The following TOB2 variants were observed in gnomAD, a reference collection of about 807,000 sequenced individuals.
TOB2 encodes the protein transducer of ERBB2, 2.
TOB2 carries 3 observed loss-of-function variants against 17.3 expected under a neutral mutation model. The ratio of observed to expected loss-of-function variants is 0.17; its 90% confidence interval spans 0.08 to 0.45. TOB2 has a LOEUF of 0.45. Ranked by LOEUF, TOB2 falls within the 20% of genes least tolerant of loss-of-function variation. The pLI, the probability that TOB2 is intolerant of heterozygous loss-of-function variation, is 0.99. For synonymous variants in TOB2, 163 were observed against 185.6 expected (o/e 0.88, Z 0.99); for missense variants, 407 against 445.7 (o/e 0.91, Z 0.78).
intron 1 of TOB2, among the ~76,000 whole-genome samples, chr22:41,442,863 C>A (rs919950759): frequency 6.6e-6 from 1 of 152,018 alleles, no homozygotes; most frequent in Non-Finnish European, 1.5e-5. Context: ...AACTACCTGT[C>A]AATAAAGGGA....
Position 41,437,380 on chromosome 22 carries a change from C to T in TOB2, c.-35G>A, listed in dbSNP as rs1349424037. ...CTAGGCAGAGAATCAGCACAGGGCA[C>T]GTGTACAGCCTTGGGCTCCAGGCGG... is the stretch of plus-strand genomic sequence containing the variant. On this transcript the variant is annotated 5_prime_UTR_variant, in exon 2 of 2. The change creates a new upstream start codon in the 5' untranslated region. Transcript: ENST00000327492. 9 of 1,582,140 alleles carry T rather than the reference C, an allele frequency of 5.7e-6. No individual in the cohort carries two copies. Among genetic ancestry groups the T allele is most frequent in the East Asian group, 2.2e-5 (1 of 44,624 alleles).
intron 1 of TOB2, among the ~76,000 whole-genome samples, chr22:41,441,883 C>G (rs775135480): frequency 8.8e-4 from 133 of 150,996 alleles, no homozygotes; most frequent in Non-Finnish European, 1.6e-3. Context: ...TGCACTCCAG[C>G]CTGGGCAAGA....
Position 41,436,151 on chromosome 22 carries a change from G to A in TOB2, c.*160C>T, listed in dbSNP as rs1222910512. On this transcript the variant is annotated 3_prime_UTR_variant, in exon 2 of 2. Coordinates refer to ENST00000327492, the MANE Select transcript of TOB2 (RefSeq NM_016272.4). This position sits in a 1 kb window ranked among gnomAD's most constrained non-coding sequence, Gnocchi z 4.8. The stretch of plus-strand genomic sequence containing the variant: ...GTGAAACACACTTGGGTGCTTTGCA[G>A]GGCCCTCCCATTCCGTGCCTGGGCT... 3.2e-6 allele frequency: 3 copies of A among 933,112 alleles called. No homozygotes were observed. In the East Asian group the frequency reaches 8.1e-5, roughly 25 times the overall value. 57.8% of individuals were successfully genotyped at this position (933,112 alleles called of 1,614,324 possible).
chr22:41,441,714 C>T (rs899030112), intron 1 of TOB2, among the ~76,000 whole-genome samples: 1 of 151,900 alleles, frequency 6.6e-6, no homozygotes, highest in African/African-American at 2.4e-5. Flanking sequence ...GAGTCCGAGA[C>T]CAGCCTGACC....
intron 1 of TOB2, among the ~76,000 whole-genome samples, chr22:41,442,399 C>T (rs1601851855): frequency 6.6e-6 from 1 of 152,232 alleles, no homozygotes; most frequent in Non-Finnish European, 1.5e-5. Flanking sequence ...AAATGCAGGC[C>T]AAAGTCATTG....
intron 1 of TOB2, among the ~76,000 whole-genome samples, chr22:41,445,218 C>A (rs953734225): frequency 7.2e-5 from 11 of 152,238 alleles, no homozygotes; most frequent in Admixed American, 7.2e-4. Context: ...GTACACCTGA[C>A]ACCTGAGCAT....
intron 1 of TOB2, among the ~76,000 whole-genome samples, chr22:41,442,458 C>T (rs2037630753): frequency 1.3e-5 from 2 of 152,196 alleles, no homozygotes; most frequent in African/African-American, 4.8e-5. Context: ...TGTCATCAGC[C>T]CTGCCTAGCT....
At chr22:41,443,280 C>T (rs141144166) in intron 1 of TOB2, among the ~76,000 whole-genome samples, 9 of 152,210 alleles carry the variant, frequency 5.9e-5, no homozygotes, top group East Asian at 1.9e-4. Flanking sequence ...GTCACACGCG[C>T]GCGCATGTGT....
Position 41,435,505 on chromosome 22 carries a change from A to G in TOB2, c.*806T>C, listed in dbSNP as rs1054744895. 6.6e-6 allele frequency: 1 copy of G among 152,494 alleles called. No homozygotes were observed. The highest frequency in any genetic ancestry group is 1.5e-5 in the Non-Finnish European group (1 of 68,096). The allele number at this position is 152,494 out of a possible 1,614,324, so 9.4% of individuals were successfully genotyped here. On this transcript the variant is annotated 3_prime_UTR_variant, in exon 2 of 2. Coordinates refer to ENST00000327492, the MANE Select transcript of TOB2 (RefSeq NM_016272.4). ...CACACACACACACCCCTCCCTACCC[A>G]CAACATCCAGCCTGGGGAAGAAGGG...
Position 41,441,960 on chromosome 22 carries a change from C to T in TOB2, c.-63+4419G>A, listed in dbSNP as rs527675604. On this transcript the variant is annotated intron_variant, in intron 1 of 1. Transcript: ENST00000327492. ...CATAAAAATTAGCCCAGCATGATTG[C>T]GGGTGCCTATAATCCCACTACTCCG... Among the ~76,000 whole-genome samples, 218 of 150,596 alleles carry T rather than the reference C, an allele frequency of 1.4e-3. 1 individual carries two copies. The highest frequency in any genetic ancestry group is 3.5e-3 in the Middle Eastern group (1 of 282).
intron 1 of TOB2, among the ~76,000 whole-genome samples, chr22:41,437,609 T>C (rs1040137757): frequency 1.3e-5 from 2 of 152,104 alleles, no homozygotes; most frequent in African/African-American, 4.8e-5. Flanking sequence ...AGTTCAAGGA[T>C]ATAAACTGCC....
chr22:41,439,367 T>G (rs962145616), intron 1 of TOB2, among the ~76,000 whole-genome samples: 1 of 152,220 alleles, frequency 6.6e-6, no homozygotes, highest in African/African-American at 2.4e-5. Context: ...ATCCAGGTGC[T>G]AATTTCAGGC....
intron 1 of TOB2, among the ~76,000 whole-genome samples, chr22:41,439,769 G>T (rs2037593526): frequency 6.6e-6 from 1 of 152,110 alleles, no homozygotes; most frequent in Non-Finnish European, 1.5e-5. Flanking sequence ...GCCTGCCTTG[G>T]TCTCCCAAAG....
chr22:41,437,948 CAAAAAAAA>C (rs35151486), intron 1 of TOB2, among the ~76,000 whole-genome samples: 2 of 44,478 alleles, frequency 4.5e-5, no homozygotes, highest in Non-Finnish European at 3.5e-5. Context: ...GACTCCATCT[CAAAAAAAA>C]AAAAAAAAAA....
chr22:41,443,468 C>G (rs180854083), intron 1 of TOB2, among the ~76,000 whole-genome samples: 1 of 151,440 alleles, frequency 6.6e-6, no homozygotes, highest in South Asian at 2.1e-4. Context: ...TATAGGCACG[C>G]GGGACCACGC....
intron 1 of TOB2, among the ~76,000 whole-genome samples, chr22:41,438,593 G>C (rs1403931075): frequency 5.1e-5 from 6 of 116,830 alleles, no homozygotes; most frequent in African/African-American, 3.3e-5. Flanking sequence ...TCGCACCATT[G>C]TACTCCAGCC....
intron 1 of TOB2, among the ~76,000 whole-genome samples, chr22:41,443,736 GC>G (rs1367732269): frequency 1.3e-5 from 2 of 149,868 alleles, no homozygotes; most frequent in Non-Finnish European, 3.0e-5. Flanking sequence ...CGATTCTCCT[GC>G]CTCAGCCTCC....
At chr22:41,445,778 A>G (rs1484837955) in intron 1 of TOB2, among the ~76,000 whole-genome samples, 4 of 152,172 alleles carry the variant, frequency 2.6e-5, no homozygotes, top group Non-Finnish European at 5.9e-5. Context: ...CCAATTTTCC[A>G]TTAAAACACT....
chr22:41,444,377 T>C (rs547195263), intron 1 of TOB2, among the ~76,000 whole-genome samples: 1 of 152,292 alleles, frequency 6.6e-6, no homozygotes, highest in Non-Finnish European at 1.5e-5. Flanking sequence ...AGACCCTTTC[T>C]AGGGCACTCC....
Sources: allele counts gnomAD v4.1 joint callset (sites outside exome capture counted in the v4.1 genomes callset), GRCh38; gene constraint gnomAD v4.1.1; non-coding constraint Gnocchi (gnomAD v3.1); transcripts MANE v1.5; gene names NCBI Gene and HGNC (gene_info 2026-07-23, HGNC 2026-07-21).